LRP1B: variants seen among roughly 807,000 people sequenced by gnomAD.
LRP1B encodes the protein LDL receptor related protein 1B.
LRP1B carries 217 observed loss-of-function variants against 556.6 expected under a neutral mutation model. The ratio of observed to expected loss-of-function variants is 0.39; its 90% CI spans 0.35 to 0.44. The LOEUF (loss-of-function observed/expected upper bound fraction) is 0.44. Ranked by LOEUF, LRP1B falls within the 20% of genes least tolerant of loss-of-function variation. The pLI, the probability that LRP1B is intolerant of heterozygous loss-of-function variation, is 1.00. For synonymous variants in LRP1B, 2,047 were observed against 1,865.8 expected, an observed-to-expected ratio of 1.10 and a Z score of -2.50; for missense variants, 5,053 against 5,620.8, an observed-to-expected ratio of 0.90 and a Z score of 3.23.
intron 77 of LRP1B, among the ~76,000 whole-genome samples, chr2:140,346,291 G>A (rs1191161574): frequency 6.6e-6 from 1 of 151,350 alleles, no homozygotes; most frequent in Non-Finnish European, 1.5e-5. Flanking sequence ...AATTATCATT[G>A]GTATATTTTT....
intron 3 of LRP1B, among the ~76,000 whole-genome samples, chr2:141,302,021 T>A (rs1686413785): frequency 1.3e-5 from 2 of 152,038 alleles, no homozygotes; most frequent in African/African-American, 2.4e-5. Flanking sequence ...AAACAAAAAA[T>A]TATATATACA....
At chr2:140,552,293 AGTT>A (rs1367350857) in intron 43 of LRP1B, among the ~76,000 whole-genome samples, 1 of 152,128 alleles carries the variant, frequency 6.6e-6, no homozygotes, top group Non-Finnish European at 1.5e-5. Context: ...AAATAAAAAC[AGTT>A]ATTATGGATA....
At chr2:140,563,845 C>T (rs138020109) in intron 43 of LRP1B, among the ~76,000 whole-genome samples, 27 of 152,046 alleles carry the variant, frequency 1.8e-4, no homozygotes, top group East Asian at 5.8e-4. Flanking sequence ...CATATTTTAC[C>T]GAATAGACAG....
intron 31 of LRP1B, among the ~76,000 whole-genome samples, chr2:140,814,797 A>C (rs1420231183): frequency 6.6e-6 from 1 of 152,102 alleles, no homozygotes; most frequent in Non-Finnish European, 1.5e-5. Flanking sequence ...TAAGACCCTA[A>C]TCTCGACCTG....
At chr2:142,062,991 A>G (rs1704978063) in intron 1 of LRP1B, among the ~76,000 whole-genome samples, 1 of 151,402 alleles carries the variant, frequency 6.6e-6, no homozygotes, top group South Asian at 2.1e-4. Flanking sequence ...AGCTGAGTTT[A>G]AAAACAAATT....
chr2:140,859,808 C>G (rs1426311722), intron 27 of LRP1B, among the ~76,000 whole-genome samples: 1 of 151,890 alleles, frequency 6.6e-6, no homozygotes, highest in African/African-American at 2.4e-5. Flanking sequence ...TCCTGGCTAA[C>G]ACGGTGAAAC....
chr2:141,690,396 A>AATAAAT (rs5834858), intron 2 of LRP1B, among the ~76,000 whole-genome samples: 964 of 26,496 alleles, frequency 0.036, 9 homozygotes, highest in Non-Finnish European at 0.045. Context: ...TACATCTATA[A>AATAAAT]ATATATATAT....
intron 3 of LRP1B, among the ~76,000 whole-genome samples, chr2:141,431,838 T>G (rs1442878226): frequency 2.0e-5 from 3 of 152,196 alleles, no homozygotes; most frequent in Non-Finnish European, 4.4e-5. Context: ...CTGTCTGAAC[T>G]CATCTGTAAG....
intron 1 of LRP1B, among the ~76,000 whole-genome samples, chr2:141,952,005 C>A (rs1373899059): frequency 4.1e-5 from 5 of 121,890 alleles, no homozygotes; most frequent in Non-Finnish European, 8.3e-5. Flanking sequence ...CCCCTCTCCC[C>A]CCACCCCACG....
intron 66 of LRP1B, among the ~76,000 whole-genome samples, chr2:140,428,626 G>A (rs938123136): frequency 3.5e-4 from 54 of 152,238 alleles, no homozygotes; most frequent in African/African-American, 4.6e-4. Context: ...CTGCCTGATC[G>A]TCTCTGAAGC....
chr2:141,333,842 C>G (rs1029560707), intron 3 of LRP1B, among the ~76,000 whole-genome samples: 15 of 152,200 alleles, frequency 9.9e-5, no homozygotes, highest in Middle Eastern at 3.4e-3. Context: ...TATTCTTTCA[C>G]ATTTTTGCAG....
intron 1 of LRP1B, among the ~76,000 whole-genome samples, chr2:141,831,200 G>A (rs1378319788): frequency 6.6e-6 from 1 of 151,418 alleles, no homozygotes; most frequent in Non-Finnish European, 1.5e-5. Flanking sequence ...CACATCCAAG[G>A]ACTAAAAGTA....
intron 67 of LRP1B, among the ~76,000 whole-genome samples, chr2:140,382,208 T>G (rs1683539517): frequency 6.6e-6 from 1 of 152,182 alleles, no homozygotes; most frequent in African/African-American, 2.4e-5. Context: ...TCTATACAAA[T>G]AATCTTCTGA....
At chr2:141,364,059 C>A (rs1182149833) in intron 3 of LRP1B, among the ~76,000 whole-genome samples, 1 of 151,978 alleles carries the variant, frequency 6.6e-6, no homozygotes, top group Admixed American at 6.6e-5. Flanking sequence ...GCATTCAGTC[C>A]TTATCTTGAT....
intron 31 of LRP1B, among the ~76,000 whole-genome samples, chr2:140,816,823 C>T (rs1332957580): frequency 6.6e-6 from 1 of 152,014 alleles, no homozygotes; most frequent in African/African-American, 2.4e-5. Flanking sequence ...TAATACATAT[C>T]TCTGAAGTTT....
chr2:140,647,453 C>A (rs1273306703), intron 41 of LRP1B, among the ~76,000 whole-genome samples: 1 of 152,006 alleles, frequency 6.6e-6, no homozygotes, highest in East Asian at 1.9e-4. Context: ...CATAAATTGA[C>A]ATGTAATTTA....
intron 3 of LRP1B, among the ~76,000 whole-genome samples, chr2:141,455,509 T>C (rs1423359439): frequency 2.0e-5 from 3 of 152,064 alleles, no homozygotes; most frequent in African/African-American, 4.8e-5. Flanking sequence ...CGTTCATTTT[T>C]TTTTTCTTTT....
chr2:140,743,615 C>T (rs978971785), intron 35 of LRP1B, among the ~76,000 whole-genome samples: 1 of 152,018 alleles, frequency 6.6e-6, no homozygotes, highest in African/African-American at 2.4e-5. Flanking sequence ...TAACACAGTG[C>T]CTTGCATATA....
In LRP1B at chr2:141,518,339, G is replaced by T. The variant is rs569764810; in HGVS notation, c.206-37806C>A. 1.1e-4 allele frequency among the ~76,000 whole-genome samples: 17 copies of T among 151,932 alleles called. 2 individuals carry two copies. The South Asian group carries it at 1.9e-3, about 17-fold the overall frequency. ...ATTCTTAAGGTGAAGTCAGAGATTTGGTGAGTAAAAATGGTTAATAAATTA... is the reference window on the plus strand; with the variant it reads ...ATTCTTAAGGTGAAGTCAGAGATTTTGTGAGTAAAAATGGTTAATAAATTA... On this transcript the variant is annotated intron_variant, in intron 2 of 90. Coordinates refer to ENST00000389484, the MANE Select transcript of LRP1B (RefSeq NM_018557.3).
Sources: gnomAD v4.1 joint callset for allele counts (sites outside exome capture counted in the v4.1 genomes callset) on GRCh38, gnomAD v4.1.1 for gene constraint, MANE v1.5 for transcripts, NCBI Gene and HGNC (gene_info 2026-07-23, HGNC 2026-07-21) for gene names.